The following BRD10 variants were observed in gnomAD, a reference collection of about 807,000 sequenced individuals.
BRD10 encodes bromodomain containing 10.
the BRD10 span, among the ~76,000 whole-genome samples, chr9:5,915,556 C>G: frequency 2.6e-5 from 4 of 152,280 alleles, no homozygotes; most frequent in South Asian, 8.3e-4. Context: ...TAACCTATAG[C>G]ATTTCATTCA....
the BRD10 span, among the ~76,000 whole-genome samples, chr9:5,972,974 T>C: frequency 6.6e-6 from 1 of 152,132 alleles, no homozygotes; most frequent in Non-Finnish European, 1.5e-5. Flanking sequence ...AAAAATGTGG[T>C]ATTTGTGACT....
the BRD10 span, among the ~76,000 whole-genome samples, chr9:5,928,352 C>A: frequency 6.6e-6 from 1 of 152,146 alleles, no homozygotes; most frequent in African/African-American, 2.4e-5. Context: ...ACATTTATCT[C>A]CACCCAACAG....
the BRD10 span, chr9:5,988,262 A>C: frequency 1.1e-6 from 1 of 899,658 alleles, no homozygotes; most frequent in Non-Finnish European, 1.8e-6. Context: ...ATTTTAGAAC[A>C]CTACTAAAAT....
At chr9:5,924,673 C>A in the BRD10 span, 1 of 1,503,090 alleles carries the variant, frequency 6.7e-7, no homozygotes, top group Non-Finnish European at 8.9e-7. Context: ...TCAAAGTGAT[C>A]TTTCTCCAGG....
chr9:5,922,818 C>CT, the BRD10 span: 1 of 1,613,958 alleles, frequency 6.2e-7, no homozygotes, highest in Non-Finnish European at 8.5e-7. Flanking sequence ...TGTAAAGGAC[C>CT]TTTTGTATTG....
chr9:5,956,042 G>C, the BRD10 span, among the ~76,000 whole-genome samples: 1 of 151,950 alleles, frequency 6.6e-6, no homozygotes. Context: ...ACTTATGTAT[G>C]GGAAGGTTTT....
the BRD10 span, chr9:5,920,527 C>G: frequency 6.2e-7 from 1 of 1,613,830 alleles, no homozygotes; most frequent in Non-Finnish European, 8.5e-7. Flanking sequence ...CAAAATTGGA[C>G]GTATTAGTTA....
chr9:5,913,977 T>A, the BRD10 span: 3 of 450,516 alleles, frequency 6.7e-6, no homozygotes, highest in Non-Finnish European at 1.3e-5. Context: ...AGAAGCACTT[T>A]CTGCTATCAA....
the BRD10 span, among the ~76,000 whole-genome samples, chr9:5,890,113 G>A: frequency 6.6e-6 from 1 of 152,152 alleles, no homozygotes; most frequent in Non-Finnish European, 1.5e-5. Flanking sequence ...TGGAGATGAG[G>A]GAGGGAATAG....
At chr9:5,945,904 TA>T in the BRD10 span, among the ~76,000 whole-genome samples, 286 of 151,452 alleles carry the variant, frequency 1.9e-3, 7 homozygotes, top group South Asian at 0.039. Context: ...ATGTGATAAT[TA>T]AAAAAAAACT....
the BRD10 span, among the ~76,000 whole-genome samples, chr9:5,969,967 C>G: frequency 6.6e-6 from 1 of 152,136 alleles, no homozygotes; most frequent in African/African-American, 2.4e-5. Flanking sequence ...ACATAATTAT[C>G]CTCAAGGTAA....
the BRD10 span, among the ~76,000 whole-genome samples, chr9:5,881,864 G>T: frequency 1.3e-5 from 2 of 152,182 alleles, no homozygotes; most frequent in South Asian, 4.1e-4. Context: ...TGACGGTTTA[G>T]TTCACTGAGG....
At chr9:5,897,843 CA>C in the BRD10 span, among the ~76,000 whole-genome samples, 1 of 152,232 alleles carries the variant, frequency 6.6e-6, no homozygotes. Context: ...GCATGAACCT[CA>C]ACCAGGAACT....
the BRD10 span, among the ~76,000 whole-genome samples, chr9:5,990,401 T>C: frequency 1.3e-5 from 2 of 152,108 alleles, no homozygotes; most frequent in Non-Finnish European, 2.9e-5. Context: ...ATGTAGAGCA[T>C]TGAGGATAAA....
chr9:5,938,664 C>T, the BRD10 span, among the ~76,000 whole-genome samples: 1 of 151,940 alleles, frequency 6.6e-6, no homozygotes, highest in Non-Finnish European at 1.5e-5. Context: ...AGGTAAAAAG[C>T]ACATTTTATC....
chr9:5,936,167 G>A, the BRD10 span, among the ~76,000 whole-genome samples: 2 of 152,084 alleles, frequency 1.3e-5, no homozygotes, highest in Admixed American at 1.3e-4. Context: ...ACTAGTCTGG[G>A]AAACATGGCA....
chr9:5,996,037 T>C, the BRD10 span, among the ~76,000 whole-genome samples: 5 of 152,236 alleles, frequency 3.3e-5, no homozygotes, highest in South Asian at 8.3e-4. Flanking sequence ...AGATAACAAT[T>C]ACACAACCAA....
At chr9:6,002,888 T>G in the BRD10 span, among the ~76,000 whole-genome samples, 8 of 152,148 alleles carry the variant, frequency 5.3e-5, no homozygotes, top group Admixed American at 2.6e-4. Context: ...TTTCATCATG[T>G]TGGCCAAGCT....
At chr9:5,896,537 C>G in the BRD10 span, among the ~76,000 whole-genome samples, 1 of 152,148 alleles carries the variant, frequency 6.6e-6, no homozygotes, top group Non-Finnish European at 1.5e-5. Flanking sequence ...CCAGCAGAAG[C>G]CTTAGTTAAA....
Sources: gnomAD v4.1 joint callset for allele counts (sites outside exome capture counted in the v4.1 genomes callset) on GRCh38, gnomAD v4.1.1 for gene constraint, MANE v1.5 for transcripts, NCBI Gene and HGNC (gene_info 2026-07-23, HGNC 2026-07-21) for gene names.